The following CYRIB variants were observed in gnomAD, a reference collection of about 807,000 sequenced individuals.
CYRIB encodes CYFIP-related Rac1 interactor B.
In CYRIB, 8 loss-of-function variants were observed where a neutral mutation model predicts 44.2. That is an observed-to-expected ratio of 0.18 (90% CI 0.11 to 0.33). The LOEUF (loss-of-function observed/expected upper bound fraction) is 0.33. Ranked by LOEUF, CYRIB falls within the 10% of genes least tolerant of loss-of-function variation. The probability of loss-of-function intolerance (pLI) is 1.00; values close to 1 mark genes in which losing one functional copy is unlikely to be tolerated. For synonymous variants in CYRIB, 131 were observed against 127.2 expected (o/e 1.03, Z -0.20); for missense variants, 185 against 382.8 (o/e 0.48, Z 4.31).
intron 1 of CYRIB, among the ~76,000 whole-genome samples, chr8:129,911,807 C>G (rs2078189469): frequency 2.6e-5 from 4 of 152,214 alleles, no homozygotes; most frequent in Admixed American, 2.0e-4. Flanking sequence ...AACCTTCTTA[C>G]TTCTGGATCT....
chr8:129,957,855 C>T (rs534686487), intron 2 of CYRIB, among the ~76,000 whole-genome samples: 4 of 150,594 alleles, frequency 2.7e-5, no homozygotes, highest in African/African-American at 9.8e-5. Flanking sequence ...GTCCCAGCTA[C>T]TTAGGAGGCT....
chr8:129,954,982 G>A (rs904893297), intron 2 of CYRIB, among the ~76,000 whole-genome samples: 11 of 152,116 alleles, frequency 7.2e-5, no homozygotes, highest in African/African-American at 1.9e-4. Flanking sequence ...GGCCGGACGC[G>A]GTGGCTGACA....
chr8:129,905,484 T>TGGGATTACAATCTTTCACTTTTCTCTA (rs1563714878), intron 1 of CYRIB, among the ~76,000 whole-genome samples: 1 of 152,230 alleles, frequency 6.6e-6, no homozygotes, highest in Non-Finnish European at 1.5e-5. Context: ...CCCAAAGTGC[T>TGGGATTACAATCTTTCACTTTTCTCTA]GGGATTACAA....
At chr8:129,961,867 T>A (rs2095272871) in intron 2 of CYRIB, among the ~76,000 whole-genome samples, 1 of 152,188 alleles carries the variant, frequency 6.6e-6, no homozygotes, top group African/African-American at 2.4e-5. Flanking sequence ...TCTGGCCTTG[T>A]CAGAGCCCAG....
chr8:129,886,200 T>C (rs2062697916), intron 2 of CYRIB, among the ~76,000 whole-genome samples: 1 of 152,224 alleles, frequency 6.6e-6, no homozygotes. Context: ...AGTTTGGCTT[T>C]TATGCCCACT....
intron 1 of CYRIB, among the ~76,000 whole-genome samples, chr8:129,971,338 C>A (rs953312568): frequency 1.8e-4 from 27 of 152,146 alleles, no homozygotes; most frequent in Admixed American, 5.2e-4. Context: ...AGTGATCCAC[C>A]AGCCTTGACC....
intron 2 of CYRIB, among the ~76,000 whole-genome samples, chr8:129,951,936 A>C (rs2094525002): frequency 6.6e-6 from 1 of 152,220 alleles, no homozygotes; most frequent in African/African-American, 2.4e-5. Context: ...AATGTCTGGC[A>C]TATAGTAGGA....
chr8:129,852,110 G>T, intron 8 of CYRIB, 52 bp downstream of exon 10: 1 of 1,127,608 alleles, frequency 8.9e-7, no homozygotes, highest in Non-Finnish European at 1.2e-6. Flanking sequence ...CATCACGTCT[G>T]CCAACAGGGG....
chr8:129,998,821 G>A (rs759353400), intron 1 of CYRIB, among the ~76,000 whole-genome samples: 3 of 151,966 alleles, frequency 2.0e-5, no homozygotes, highest in South Asian at 2.1e-4. Flanking sequence ...TAGTAGAGAC[G>A]GGGTTTCACC....
intron 2 of CYRIB, among the ~76,000 whole-genome samples, chr8:129,889,577 G>A (rs2064222989): frequency 6.6e-6 from 1 of 152,164 alleles, no homozygotes; most frequent in Non-Finnish European, 1.5e-5. Context: ...ATCAATAGGA[G>A]TTTGAAAGAA....
intron 1 of CYRIB, among the ~76,000 whole-genome samples, chr8:129,993,370 G>T (rs1431344119): frequency 1.3e-5 from 2 of 150,860 alleles, no homozygotes; most frequent in African/African-American, 4.9e-5. Context: ...TCCAGCCTGG[G>T]TGACAGACTA....
At chr8:129,847,050 T>C in intron 10 of CYRIB, 176 bp from the exon 13 acceptor site, 1 of 489,394 alleles carries the variant, frequency 2.0e-6, no homozygotes, top group Non-Finnish European at 3.5e-6. Flanking sequence ...TTATTCTCAC[T>C]TAGTGAAAAC....
chr8:129,995,024 G>A (rs1289726737), intron 1 of CYRIB, among the ~76,000 whole-genome samples: 3 of 152,252 alleles, frequency 2.0e-5, no homozygotes, highest in Non-Finnish European at 2.9e-5. Flanking sequence ...GTCCACCTCA[G>A]CTTCCATACT....
intron 1 of CYRIB, among the ~76,000 whole-genome samples, chr8:130,008,025 A>G (rs973555381): frequency 6.6e-6 from 1 of 152,094 alleles, no homozygotes; most frequent in Non-Finnish European, 1.5e-5. Flanking sequence ...CCTGTCCAAC[A>G]TGGTGAAACT....
chr8:129,872,725 AAG>A (rs1431455268), intron 3 of CYRIB, among the ~76,000 whole-genome samples: 2 of 152,058 alleles, frequency 1.3e-5, no homozygotes, highest in African/African-American at 2.4e-5. Flanking sequence ...AAGATGAAGT[AAG>A]AACGTTTTTA....
At chr8:129,867,689 C>T (rs930969268) in intron 4 of CYRIB, among the ~76,000 whole-genome samples, 7 of 152,014 alleles carry the variant, frequency 4.6e-5, no homozygotes, top group Admixed American at 6.6e-5. Flanking sequence ...GTATCAGACA[C>T]GGTGCTATGC....
chr8:129,956,144 G>A (rs1591092628), intron 2 of CYRIB, among the ~76,000 whole-genome samples: 1 of 152,116 alleles, frequency 6.6e-6, no homozygotes, highest in African/African-American at 2.4e-5. Context: ...CTCGTGGAGC[G>A]CAGTGAGAAT....
At chr8:129,908,306 C>G (rs932848248) in intron 1 of CYRIB, among the ~76,000 whole-genome samples, 2 of 151,548 alleles carry the variant, frequency 1.3e-5, no homozygotes, top group African/African-American at 2.4e-5. Flanking sequence ...AAAAAATAAA[C>G]GATAATTTGT....
chr8:129,965,795 C>CA lies in CYRIB; in HGVS notation c.-243+5147dup, dbSNP rs796986537. Among the ~76,000 whole-genome samples the CA allele has an allele frequency of 2.7e-3, 357 of 132,102 alleles. 1 individual carries two copies. Among genetic ancestry groups the CA allele is most frequent in the African/African-American group, 6.8e-3 (245 of 35,952 alleles). The allele number at this position is 132,102 out of a possible 152,430, so 86.7% of individuals were successfully genotyped here. ...TGGGCGACAGAGCAAGACTCTGTCTCAAAAAAAAAAAAGAATATACATTCA... is the reference window on the plus strand; with the variant it reads ...TGGGCGACAGAGCAAGACTCTGTCTCAAAAAAAAAAAAAGAATATACATTCA... On this transcript the variant is annotated intron_variant, in intron 2 of 14. Transcript: ENST00000401979.
Sources: allele counts gnomAD v4.1 joint callset (sites outside exome capture counted in the v4.1 genomes callset), GRCh38; gene constraint gnomAD v4.1.1; transcripts MANE v1.5; gene names NCBI Gene and HGNC (gene_info 2026-07-23, HGNC 2026-07-21).